UGT2B17: variants seen among roughly 807,000 people sequenced by gnomAD.
UGT2B17 encodes the protein UDP-glucuronosyltransferase 2B17.
In UGT2B17, 21 loss-of-function variants were observed where a neutral mutation model predicts 48.2. That is an observed-to-expected ratio of 0.44 (90% CI 0.31 to 0.63). The LOEUF (loss-of-function observed/expected upper bound fraction) is 0.63. Among genes scored for constraint, UGT2B17 ranks in the 20% least tolerant of loss-of-function variants. The pLI is 0.08. For missense variants in UGT2B17, 402 were observed against 696.1 expected (o/e 0.58, Z 4.75); for synonymous variants, 146 against 238.4 (o/e 0.61, Z 3.57).
intron 6 of UGT2B17, among the ~76,000 whole-genome samples, chr4:68,550,096 G>A (rs2109765185): frequency 8.0e-6 from 1 of 125,254 alleles, no homozygotes; most frequent in South Asian, 3.7e-4. Flanking sequence ...AACAAAGTAA[G>A]TCGGTATTTT....
intron 1 of UGT2B17, among the ~76,000 whole-genome samples, chr4:68,570,636 CTG>C (rs1475882751): frequency 7.9e-6 from 1 of 126,146 alleles, no homozygotes; most frequent in African/African-American, 2.7e-5. Flanking sequence ...GTGGAATAGA[CTG>C]ATAGTGATTC....
At chr4:68,558,761 T>C (rs1349579276) in intron 4 of UGT2B17, among the ~76,000 whole-genome samples, 1 of 125,380 alleles carries the variant, frequency 8.0e-6, no homozygotes, top group Admixed American at 8.2e-5. Context: ...TTTTTTAAAA[T>C]GTAAAATGAA....
Position 68,544,859 on chromosome 4 carries a change from G to T in UGT2B17, c.1313+5818C>A, listed in dbSNP as rs1730764311. 1.6e-5 allele frequency among the ~76,000 whole-genome samples: 2 copies of T among 125,914 alleles called. 1 individual carries two copies. Among genetic ancestry groups the T allele is most frequent in the African/African-American group, 5.4e-5 (2 of 36,868 alleles). 82.6% of individuals were successfully genotyped at this position (125,914 alleles called of 152,430 possible). On this transcript the variant is annotated intron_variant, in intron 6 of 6. Transcript: ENST00000317746. ...AAAAGAGACAAGGCCATTACATAAT[G>T]GTAAAGGGATCAATTCAACAAGAAG...
rs578177560 is a variant in UGT2B17, at chr4:68,551,065, G to C, written c.1094-169C>G. 2.4e-5 allele frequency among the ~76,000 whole-genome samples: 3 copies of C among 125,904 alleles called. 1 individual carries two copies. Among genetic ancestry groups the C allele is most frequent in the Admixed American group, 8.2e-5 (1 of 12,252 alleles). 82.6% of individuals were successfully genotyped at this position (125,904 alleles called of 152,430 possible). A position where few individuals can be genotyped will look rare whatever the true frequency, so the allele number is the denominator to read the frequency against. ...TTCAGAGGAAGAAGCACCTACTTCTGCTGGAAAGGTAAGTGAAGGCTACAT... is the reference window on the plus strand; with the variant it reads ...TTCAGAGGAAGAAGCACCTACTTCTCCTGGAAAGGTAAGTGAAGGCTACAT... On this transcript the variant is annotated intron_variant, in intron 5 of 6. Coordinates refer to ENST00000317746, the MANE Select transcript of UGT2B17 (RefSeq NM_001077.4).
In UGT2B17 at chr4:68,565,836, T is replaced by C. The variant is rs1164116126; in HGVS notation, c.725-116A>G. ...TTGGAATAACATACCTAAAAATATATAAAATGTCTGCACATTGATAATATA... is the reference window on the plus strand; with the variant it reads ...TTGGAATAACATACCTAAAAATATACAAAATGTCTGCACATTGATAATATA... On this transcript the variant is annotated intron_variant, in intron 2 of 6. Transcript: ENST00000317746. 8.0e-4 allele frequency: 682 copies of C among 851,724 alleles called. 115 individuals carry two copies. Among genetic ancestry groups the C allele is most frequent in the Non-Finnish European group, 9.6e-4 (644 of 670,452 alleles). The allele number at this position is 851,724 out of a possible 1,614,324, so 52.8% of individuals were successfully genotyped here.
intron 4 of UGT2B17, among the ~76,000 whole-genome samples, chr4:68,556,212 G>T (rs1201431126): frequency 2.4e-5 from 3 of 123,648 alleles, no homozygotes; most frequent in Admixed American, 8.3e-5. Flanking sequence ...CTAAATAATT[G>T]GTTAGAACAA....
chr4:68,571,005 G>C lies in UGT2B17; in HGVS notation c.-64-2457C>G, dbSNP rs1385688714. On this transcript the variant is annotated intron_variant, in intron 1 of 6. Coordinates refer to ENST00000317746, the MANE Select transcript of UGT2B17 (RefSeq NM_001077.4). Reference sequence around the variant, plus strand: ...AAGTAGTCAAGAGCTAGTCTATTTTGATAGATTGCATTTCTCATCTGAGTC... The same window carrying C: ...AAGTAGTCAAGAGCTAGTCTATTTTCATAGATTGCATTTCTCATCTGAGTC... Among the ~76,000 whole-genome samples, 2 of 126,034 alleles carry C rather than the reference G, an allele frequency of 1.6e-5. 1 individual carries two copies. Among genetic ancestry groups the C allele is most frequent in the Non-Finnish European group, 3.4e-5 (2 of 59,506 alleles). 82.7% of individuals were successfully genotyped at this position (126,034 alleles called of 152,430 possible). A position where few individuals can be genotyped will look rare whatever the true frequency, so the allele number is the denominator to read the frequency against.
intron 1 of UGT2B17, among the ~76,000 whole-genome samples, chr4:68,571,224 G>C (rs1731293516): frequency 8.0e-6 from 1 of 125,146 alleles, no homozygotes; most frequent in Admixed American, 8.2e-5. Context: ...TTTTCCTATG[G>C]CTATGCTTCA....
Position 68,545,773 on chromosome 4 carries a change from C to T in UGT2B17, c.1313+4904G>A, listed in dbSNP as rs1382873397. On this transcript the variant is annotated intron_variant, in intron 6 of 6. Transcript: ENST00000317746. ...ACCGATTCCAGAGAAATACAAACTA[C>T]CATCAGAGAATACTATAAACACCTC... 1.1e-4 allele frequency among the ~76,000 whole-genome samples: 14 copies of T among 125,546 alleles called. 3 individuals carry two copies. Among genetic ancestry groups the T allele is most frequent in the African/African-American group, 3.8e-4 (14 of 36,808 alleles). 82.4% of individuals were successfully genotyped at this position (125,546 alleles called of 152,430 possible).
Position 68,565,877 on chromosome 4 carries a change from A to G in UGT2B17, c.725-157T>C, listed in dbSNP as rs1249880087. The stretch of plus-strand genomic sequence containing the variant: ...TGATAATATATATAAATACATTTAT[A>G]TAATATAATACATTATATTAAATAC... On this transcript the variant is annotated intron_variant, in intron 2 of 6. Coordinates refer to ENST00000317746, the MANE Select transcript of UGT2B17 (RefSeq NM_001077.4). Among the ~76,000 whole-genome samples, 2 of 120,316 alleles carry G rather than the reference A, an allele frequency of 1.7e-5. 1 individual carries two copies. Among genetic ancestry groups the G allele is most frequent in the Admixed American group, 1.8e-4 (2 of 11,370 alleles). The allele number at this position is 120,316 out of a possible 152,430, so 78.9% of individuals were successfully genotyped here.
chr4:68,546,177 T>G (rs1463777955), intron 6 of UGT2B17, among the ~76,000 whole-genome samples: 1 of 125,652 alleles, frequency 8.0e-6, no homozygotes, highest in African/African-American at 2.7e-5. Context: ...AAATCCTCAA[T>G]AAAATACTGG....
intron 6 of UGT2B17, among the ~76,000 whole-genome samples, chr4:68,538,324 G>A (rs1286468636): frequency 1.6e-5 from 2 of 124,134 alleles, no homozygotes; most frequent in Admixed American, 8.3e-5. Context: ...CAGCCTTTCC[G>A]TTTCGGTCTC....
At chr4:68,547,888 C>T (rs1406414049) in intron 6 of UGT2B17, among the ~76,000 whole-genome samples, 1 of 125,816 alleles carries the variant, frequency 7.9e-6, no homozygotes, top group Non-Finnish European at 1.7e-5. Flanking sequence ...ACCATCTCAC[C>T]CCAGTTAGAA....
Position 68,551,712 on chromosome 4 carries a change from T to G in UGT2B17, c.1093+112A>C. The G allele has an allele frequency of 2.6e-6, 2 of 773,454 alleles. 1 individual carries two copies. The highest frequency in any genetic ancestry group is 3.5e-6 in the Non-Finnish European group (2 of 565,890). The allele number at this position is 773,454 out of a possible 1,614,324, so 47.9% of individuals were successfully genotyped here. A position where few individuals can be genotyped will look rare whatever the true frequency, so the allele number is the denominator to read the frequency against. On this transcript the variant is annotated intron_variant, in intron 5 of 6. Transcript: ENST00000317746. ...AAATATAAAGTAGTTAAATTTGATT[T>G]TTTTTTAGTTTTCCAATAATAAATG...
At chr4:68,538,793 TC>T (rs1220129750) in intron 6 of UGT2B17, among the ~76,000 whole-genome samples, 2 of 126,074 alleles carry the variant, frequency 1.6e-5, no homozygotes, top group Non-Finnish European at 3.4e-5. Flanking sequence ...CCTAACCCTT[TC>T]CCCCTGTACA....
Position 68,561,727 on chromosome 4 carries a change from T to C in UGT2B17, c.874-1059A>G. ...TTCTGACTTGTGTTTCCTGATGTGT[T>C]CCTGTTTTTAAACTTAAATCCATTC... On this transcript the variant is annotated intron_variant, in intron 3 of 6. Coordinates refer to ENST00000317746, the MANE Select transcript of UGT2B17 (RefSeq NM_001077.4). Among the ~76,000 whole-genome samples the C allele has an allele frequency of 1.7e-5, 2 of 119,970 alleles. 1 individual carries two copies. The allele number at this position is 119,970 out of a possible 152,430, so 78.7% of individuals were successfully genotyped here. A position where few individuals can be genotyped will look rare whatever the true frequency, so the allele number is the denominator to read the frequency against.
rs1309940071 is a variant in UGT2B17 at position 68,556,427 on chromosome 4, CAG to C, written c.1005+4108_1005+4109del. ...TCTGTTTGTTGTGGCATAATGCTAA[CAG>C]TGTTTTCTAAAAGCTATTCAACTCC... On this transcript the variant is annotated intron_variant, in intron 4 of 6. Coordinates refer to ENST00000317746, the MANE Select transcript of UGT2B17 (RefSeq NM_001077.4). Among the ~76,000 whole-genome samples the C allele has an allele frequency of 1.6e-5, 2 of 124,626 alleles. 1 individual carries two copies. The highest frequency in any genetic ancestry group is 3.4e-5 in the Non-Finnish European group (2 of 58,896). The allele number at this position is 124,626 out of a possible 152,430, so 81.8% of individuals were successfully genotyped here. A position where few individuals can be genotyped will look rare whatever the true frequency, so the allele number is the denominator to read the frequency against.
chr4:68,553,458 G>T (rs1179304437), intron 4 of UGT2B17, among the ~76,000 whole-genome samples: 1 of 126,490 alleles, frequency 7.9e-6, no homozygotes, highest in Non-Finnish European at 1.7e-5. Flanking sequence ...CAGAACAAAG[G>T]CACCACTCAC....
At chr4:68,538,141 T>G (rs1347378973) in intron 6 of UGT2B17, among the ~76,000 whole-genome samples, 2 of 126,580 alleles carry the variant, frequency 1.6e-5, no homozygotes, top group Non-Finnish European at 3.4e-5. Context: ...GGTGGGAAAG[T>G]TAATGTTTTT....
Sources: gnomAD v4.1 joint callset for allele counts (sites outside exome capture counted in the v4.1 genomes callset) on GRCh38, gnomAD v4.1.1 for gene constraint, MANE v1.5 for transcripts, NCBI Gene and HGNC (gene_info 2026-07-23, HGNC 2026-07-21) for gene names.